Variants in IL1RAPL2 observed in about 807,000 individuals in gnomAD.
IL1RAPL2 encodes interleukin 1 receptor accessory protein like 2.
In IL1RAPL2, 3 loss-of-function variants were observed where a neutral mutation model predicts 44.1. That is an observed-to-expected ratio of 0.07 (90% confidence interval 0.03 to 0.18). The LOEUF is 0.18. IL1RAPL2 is among the 10% of genes least tolerant of loss of function. IL1RAPL2 has a pLI of 1.00. For synonymous variants in IL1RAPL2, 181 were observed against 178.8 expected (o/e 1.01, Z -0.10); for missense variants, 391 against 496.4 (o/e 0.79, Z 2.02).
intron 6 of IL1RAPL2, among the ~76,000 whole-genome samples, chrX:105,508,689 C>T (rs1211067584): frequency 2.1e-4 from 23 of 107,034 alleles, no homozygotes; most frequent in Non-Finnish European, 1.9e-5. Context: ...TTCCTGATGA[C>T]TTCTGAAAAG....
At chrX:104,794,248 C>T (rs773781885) in intron 2 of IL1RAPL2, among the ~76,000 whole-genome samples, 45 of 111,800 alleles carry the variant, frequency 4.0e-4, no homozygotes, top group Non-Finnish European at 6.8e-4. Context: ...CAGAGAATAA[C>T]GCACTATGAT....
In IL1RAPL2 at chrX:104,682,698, G is replaced by A. The variant is rs141045684; in HGVS notation, c.82+23703G>A. ...GAATGAGTATATGAACATATTTAGA[G>A]GTTTGGAAGAAGCTAGAAGAAGCTG... On this transcript the variant is annotated intron_variant, in intron 2 of 10. Coordinates refer to ENST00000372582, the MANE Select transcript of IL1RAPL2 (RefSeq NM_017416.2). Among the ~76,000 whole-genome samples, 72 of 111,857 alleles carry A rather than the reference G, an allele frequency of 6.4e-4. 2 individuals are homozygous for A. The East Asian group carries it at 0.018, about 29-fold the overall frequency.
intron 5 of IL1RAPL2, among the ~76,000 whole-genome samples, chrX:105,417,570 G>T (rs901813695): frequency 2.7e-5 from 3 of 112,860 alleles, no homozygotes; most frequent in Non-Finnish European, 5.6e-5. Context: ...AAAATTATTT[G>T]TTTTTACATT....
At chrX:104,716,071 T>C (rs1240579123) in intron 2 of IL1RAPL2, among the ~76,000 whole-genome samples, 1 of 111,489 alleles carries the variant, frequency 9.0e-6, no homozygotes, top group East Asian at 2.8e-4. Flanking sequence ...ATCATGGTAC[T>C]AGTATAAAAA....
chrX:105,627,655 T>C (rs775549051), intron 6 of IL1RAPL2, among the ~76,000 whole-genome samples: 7 of 112,023 alleles, frequency 6.2e-5, no homozygotes, highest in Non-Finnish European at 9.4e-5. Context: ...TACTAAAAAT[T>C]TGTGAAATGT....
intron 5 of IL1RAPL2, among the ~76,000 whole-genome samples, chrX:105,409,829 T>TAGATAGAC (rs1305776373): frequency 1.1e-5 from 1 of 93,947 alleles, no homozygotes; most frequent in African/African-American, 3.8e-5. Context: ...GATAGATAGA[T>TAGATAGAC]AGATAGATAG....
chrX:104,608,662 C>CTTTTTTTT (rs60105376), intron 1 of IL1RAPL2, among the ~76,000 whole-genome samples: 1 of 58,546 alleles, frequency 1.7e-5, no homozygotes, highest in African/African-American at 8.3e-5. Flanking sequence ...GCAACCCCTG[C>CTTTTTTTT]TTTTTTTTTT....
At chrX:104,767,961 T>C (rs1354603900) in intron 2 of IL1RAPL2, among the ~76,000 whole-genome samples, 1 of 112,404 alleles carries the variant, frequency 8.9e-6, no homozygotes, top group Non-Finnish European at 1.9e-5. Context: ...ACTTAAAGTA[T>C]GTATTTTTTA....
At chrX:105,420,933 A>G (rs1367974935) in intron 5 of IL1RAPL2, among the ~76,000 whole-genome samples, 8 of 111,839 alleles carry the variant, frequency 7.2e-5, no homozygotes, top group Non-Finnish European at 1.5e-4. Context: ...TGCCAAGACA[A>G]TCACATCACT....
intron 6 of IL1RAPL2, among the ~76,000 whole-genome samples, chrX:105,657,089 A>G (rs748667699): frequency 4.5e-5 from 5 of 111,486 alleles, no homozygotes; most frequent in Non-Finnish European, 9.4e-5. Flanking sequence ...TACTCCTATT[A>G]CTACTACTAC....
chrX:105,428,035 T>C (rs950587558), intron 5 of IL1RAPL2, among the ~76,000 whole-genome samples: 8 of 111,658 alleles, frequency 7.2e-5, no homozygotes, highest in African/African-American at 2.6e-4. Flanking sequence ...GTGAATAAAA[T>C]ATATTAATGT....
rs367966545 is a variant in IL1RAPL2 at position 105,767,540 on chromosome X, C to T, written c.1940C>T (p.Thr647Met). 1.7e-6 allele frequency: 2 copies of T among 1,209,404 alleles called. No homozygotes were observed. The highest frequency in any genetic ancestry group is 3.0e-5 in the East Asian group (1 of 33,805). Residue 647 changes from threonine (T) to methionine (M), a missense_variant, in exon 11 of 11, where the codon ACG (threonine) becomes ATG (methionine). By Grantham distance (81) the Thr-to-Met change is moderately conservative. This residue lies in a region of IL1RAPL2 where 232 missense variants were observed against 244.8 expected (regional missense o/e 0.95). Coordinates refer to ENST00000372582, the MANE Select transcript of IL1RAPL2 (RefSeq NM_017416.2). ...NHHTYCNLPL[T>M]LLNGQLPLNN... Reference sequence around the variant, plus strand: ...CATACTTATTGTAACCTGCCTCTGACGCTACTCAACGGACAGCTACCCCTT... The same window carrying T: ...CATACTTATTGTAACCTGCCTCTGATGCTACTCAACGGACAGCTACCCCTT...
At chrX:105,128,285 G>A (rs1240052007) in intron 2 of IL1RAPL2, among the ~76,000 whole-genome samples, 1 of 110,434 alleles carries the variant, frequency 9.1e-6, no homozygotes, top group Non-Finnish European at 1.9e-5. Context: ...ATTGGTCTGT[G>A]TTATGACTTT....
rs1479947570 is a variant in IL1RAPL2 at position 104,820,514 on chromosome X, C to T, written c.82+161519C>T. Among the ~76,000 whole-genome samples, 3 of 111,774 alleles carry T rather than the reference C, an allele frequency of 2.7e-5. No homozygotes were observed. The East Asian group carries it at 8.4e-4, about 31-fold the overall frequency. ...TCTTGAGCCCTGGGCTAATTCTCAT[C>T]CTAAAGCAGCAGGTTTTGAGCCTTG... is the stretch of plus-strand genomic sequence containing the variant. On this transcript the variant is annotated intron_variant, in intron 2 of 10. Coordinates refer to ENST00000372582, the MANE Select transcript of IL1RAPL2 (RefSeq NM_017416.2).
chrX:105,702,075 T>C (rs1168874925), intron 6 of IL1RAPL2, among the ~76,000 whole-genome samples: 1 of 111,975 alleles, frequency 8.9e-6, no homozygotes, highest in Non-Finnish European at 1.9e-5. Flanking sequence ...AAACTTTGGC[T>C]AACAAAGTAC....
chrX:105,370,388 T>A (rs1398444726), intron 5 of IL1RAPL2, among the ~76,000 whole-genome samples: 1 of 111,308 alleles, frequency 9.0e-6, no homozygotes, highest in Non-Finnish European at 1.9e-5. Context: ...CCCTCCACCA[T>A]CAAATAGGCC....
chrX:104,873,424 T>C (rs1569330859), intron 2 of IL1RAPL2, among the ~76,000 whole-genome samples: 1 of 112,006 alleles, frequency 8.9e-6, no homozygotes, highest in Non-Finnish European at 1.9e-5. Context: ...ATGTAAGTTA[T>C]ATTAGCTTTG....
intron 2 of IL1RAPL2, among the ~76,000 whole-genome samples, chrX:105,138,492 A>T (rs2033097632): frequency 1.1e-5 from 1 of 94,904 alleles, no homozygotes; most frequent in Non-Finnish European, 2.1e-5. Flanking sequence ...AAAAAAAAAA[A>T]AGCAGAAAAT....
At chrX:105,333,793 G>A (rs2035006744) in intron 5 of IL1RAPL2, among the ~76,000 whole-genome samples, 1 of 112,057 alleles carries the variant, frequency 8.9e-6, no homozygotes, top group African/African-American at 3.2e-5. Context: ...ACAGAGGAAT[G>A]CAACTCAAAA....
Sources: gnomAD v4.1 joint callset for allele counts (sites outside exome capture counted in the v4.1 genomes callset) on GRCh38, gnomAD v4.1.1 for gene constraint, gnomAD v4.1.1 regional missense constraint, MANE v1.5 for transcripts, NCBI Gene and HGNC (gene_info 2026-07-23, HGNC 2026-07-21) for gene names.